The following RELCH variants were observed in gnomAD, a reference collection of about 807,000 sequenced individuals.
RELCH encodes the protein RAB11-binding protein RELCH.
A neutral mutation model predicts 150.3 loss-of-function variants in RELCH; 41 were observed. That is an observed-to-expected ratio of 0.27 (90% confidence interval 0.21 to 0.35). The LOEUF is 0.35. RELCH is among the 10% of genes least tolerant of loss of function. The probability of loss-of-function intolerance (pLI) is 1.00; values close to 1 mark genes in which losing one functional copy is unlikely to be tolerated. For synonymous variants in RELCH, 478 were observed against 531.8 expected (o/e 0.90, Z 1.39); for missense variants, 1,092 against 1,467.8 (o/e 0.74, Z 4.18).
At chr18:62,229,458 A>G (rs2041418441) in intron 8 of RELCH, among the ~76,000 whole-genome samples, 1 of 150,140 alleles carries the variant, frequency 6.7e-6, no homozygotes, top group Admixed American at 6.7e-5. Flanking sequence ...CCACTCATGA[A>G]CCACAGCTTC....
At chr18:62,272,890 A>G (rs1239567592) in intron 20 of RELCH, among the ~76,000 whole-genome samples, 2 of 151,976 alleles carry the variant, frequency 1.3e-5, no homozygotes, top group East Asian at 3.8e-4. Context: ...AAAATGGGTG[A>G]AATCACCATT....
Position 62,221,290 on chromosome 18 carries a change from C to T in RELCH, c.744+16C>T, listed in dbSNP as rs756787651. The stretch of plus-strand genomic sequence containing the variant: ...TGAAATTCAGGTGGGTGACAGAAGA[C>T]AAATGTAAAATTAATCTTCCACATT... On this transcript the variant is annotated intron_variant, in intron 4 of 28. Transcript: ENST00000644646. 1 of 1,592,330 alleles carries T rather than the reference C, an allele frequency of 6.3e-7. No homozygotes were observed. The highest frequency in any genetic ancestry group is 1.7e-5 in the Admixed American group (1 of 59,696).
intron 3 of RELCH, 41 bp downstream of exon 3, chr18:62,221,149 C>A (rs770787539): frequency 1.9e-6 from 3 of 1,598,714 alleles, no homozygotes; most frequent in Non-Finnish European, 2.6e-6. Flanking sequence ...TCAACTTTGA[C>A]AATGTAGAAG....
intron 10 of RELCH, among the ~76,000 whole-genome samples, chr18:62,235,878 A>G (rs1470915140): frequency 6.6e-6 from 1 of 152,028 alleles, no homozygotes; most frequent in African/African-American, 2.4e-5. Context: ...CTACATATAT[A>G]GAATCATGTC....
chr18:62,244,749 C>G lies in RELCH; in HGVS notation c.1621-15C>G. The G allele has an allele frequency of 1.3e-6, 2 of 1,530,824 alleles. No homozygotes were observed. The highest frequency in any genetic ancestry group is 1.8e-6 in the Non-Finnish European group (2 of 1,105,110). The allele number at this position is 1,530,824 out of a possible 1,614,324, so 94.8% of individuals were successfully genotyped here. A position where few individuals can be genotyped will look rare whatever the true frequency, so the allele number is the denominator to read the frequency against. ...GTGTTTTTATTTGAATTTTTCCACC[C>G]TCGTATTTCTTTAGGAGTTGATCCC... On this transcript the variant is annotated splice_polypyrimidine_tract_variant and intron_variant, in intron 10 of 28. Coordinates refer to ENST00000644646, the MANE Select transcript of RELCH (RefSeq NM_001346231.2).
intron 24 of RELCH, among the ~76,000 whole-genome samples, chr18:62,281,317 C>T (rs1283082888): frequency 5.3e-5 from 8 of 152,162 alleles, no homozygotes; most frequent in Admixed American, 5.2e-4. Flanking sequence ...TCATTAGGAA[C>T]ACAAATGTAT....
At position 62,187,880 on chromosome 18, in the gene RELCH, T is replaced by C. The variant is rs1416584624; in HGVS notation, c.375T>C (p.Pro125=). The change falls in exon 1 of 29, where the codon CCT becomes CCC. Residue 125 remains proline, a synonymous_variant. Transcript: ENST00000644646. ...TGTTAGAGAGTGGCCGGGAGCTGCC[T>C]CGGCTGCGCGACTACTTCTCCAATC... ...TELLESGREL[P]RLRDYFSNPG... The C allele has an allele frequency of 1.9e-6, 3 of 1,594,070 alleles. No individual in the cohort carries two copies. Among genetic ancestry groups the C allele is most frequent in the African/African-American group, 2.7e-5 (2 of 74,772 alleles).
At chr18:62,257,044 A>G (rs999105233) in intron 13 of RELCH, among the ~76,000 whole-genome samples, 1 of 152,078 alleles carries the variant, frequency 6.6e-6, no homozygotes, top group Non-Finnish European at 1.5e-5. Flanking sequence ...CTACATACCA[A>G]ATCATGCTGT....
At chr18:62,276,385 C>A (rs2044209651) in intron 22 of RELCH, among the ~76,000 whole-genome samples, 1 of 152,048 alleles carries the variant, frequency 6.6e-6, no homozygotes, top group Non-Finnish European at 1.5e-5. Flanking sequence ...CTAATTAATG[C>A]TTGTAAAGCC....
chr18:62,304,927 A>G (rs1235180832), intron 28 of RELCH, among the ~76,000 whole-genome samples: 2 of 152,216 alleles, frequency 1.3e-5, no homozygotes, highest in African/African-American at 2.4e-5. Context: ...ACAAAACTTC[A>G]TTGCAATTTA....
intron 5 of RELCH, among the ~76,000 whole-genome samples, chr18:62,227,062 G>A (rs1220378464): frequency 7.3e-5 from 11 of 151,462 alleles, no homozygotes; most frequent in South Asian, 2.1e-4. Flanking sequence ...GCACAGTGGC[G>A]GGTGCTTGTA....
At chr18:62,277,826 A>T in intron 22 of RELCH, 1 of 842,860 alleles carries the variant, frequency 1.2e-6, no homozygotes, top group Non-Finnish European at 1.4e-6. Flanking sequence ...ATCATGTTAT[A>T]ATAAATTTCC....
intron 20 of RELCH, among the ~76,000 whole-genome samples, chr18:62,272,298 T>C (rs1346318333): frequency 2.0e-5 from 3 of 152,156 alleles, no homozygotes; most frequent in Non-Finnish European, 2.9e-5. Context: ...TAATGTGCGA[T>C]GTCAGTATTT....
intron 16 of RELCH, among the ~76,000 whole-genome samples, 198 bp downstream of exon 16, chr18:62,261,856 C>T (rs1014072484): frequency 6.6e-6 from 1 of 151,972 alleles, no homozygotes; most frequent in Non-Finnish European, 1.5e-5. Context: ...GGATAAGCCC[C>T]ATTGTCTTAT....
intron 1 of RELCH, among the ~76,000 whole-genome samples, chr18:62,209,615 T>A (rs959814253): frequency 6.7e-6 from 1 of 149,576 alleles, no homozygotes; most frequent in Admixed American, 6.7e-5. Flanking sequence ...TTTGTTTCCA[T>A]GTGAGTTTTA....
intron 1 of RELCH, among the ~76,000 whole-genome samples, chr18:62,206,502 C>G (rs965755165): frequency 3.9e-5 from 6 of 152,112 alleles, no homozygotes; most frequent in Non-Finnish European, 7.4e-5. Flanking sequence ...TGGGGGAGCC[C>G]AAGGTGGAGT....
intron 15 of RELCH, 47 bp downstream of exon 15, chr18:62,258,723 T>G (rs767822083): frequency 1.5e-6 from 2 of 1,334,208 alleles, no homozygotes; most frequent in Admixed American, 5.5e-5. Context: ...TTAAAAGGTC[T>G]GTCCTAAGCC....
intron 26 of RELCH, among the ~76,000 whole-genome samples, chr18:62,289,561 CTG>C (rs1244527431): frequency 6.6e-6 from 1 of 152,148 alleles, no homozygotes; most frequent in Admixed American, 6.5e-5. Context: ...ATGAGGCACA[CTG>C]TGCAGCTAAG....
At chr18:62,301,384 G>C (rs1396813259) in intron 28 of RELCH, among the ~76,000 whole-genome samples, 1 of 152,148 alleles carries the variant, frequency 6.6e-6, no homozygotes, top group African/African-American at 2.4e-5. Context: ...TTAAACTTTG[G>C]AGACCATACA....
Sources: gnomAD v4.1 joint callset for allele counts (sites outside exome capture counted in the v4.1 genomes callset) on GRCh38, gnomAD v4.1.1 for gene constraint, MANE v1.5 for transcripts, NCBI Gene and HGNC (gene_info 2026-07-23, HGNC 2026-07-21) for gene names.